The following DHRSX variants were observed in gnomAD, a reference collection of about 807,000 sequenced individuals.
DHRSX encodes polyprenol dehydrogenase.
In DHRSX, 31 loss-of-function variants were observed where a neutral mutation model predicts 34.0. The observed-to-expected ratio is 0.91, with a 90% CI of 0.69 to 1.23. The LOEUF is 1.23. Among genes scored for constraint, DHRSX ranks in the 50% most tolerant of loss-of-function variants. DHRSX has a pLI of 0.00. For missense variants in DHRSX, 414 were observed against 428.1 expected (o/e 0.97, Z 0.29); for synonymous variants, 201 against 183.8 (o/e 1.09, Z -0.76).
At chrX:2,347,675 G>C (rs1264105228) in intron 3 of DHRSX, among the ~76,000 whole-genome samples, 4 of 152,180 alleles carry the variant, frequency 2.6e-5, no homozygotes, top group Non-Finnish European at 5.9e-5. Context: ...GCCTGAGTGA[G>C]CGAGACTCTG....
intron 6 of DHRSX, among the ~76,000 whole-genome samples, chrX:2,232,201 T>TA (rs1035986355): frequency 2.6e-5 from 4 of 151,372 alleles, no homozygotes; most frequent in Non-Finnish European, 4.4e-5. Context: ...CAGCTTTTCC[T>TA]AAAAAAAAAC....
At chrX:2,356,588 C>A (rs923415415) in intron 3 of DHRSX, among the ~76,000 whole-genome samples, 1 of 152,160 alleles carries the variant, frequency 6.6e-6, no homozygotes, top group Non-Finnish European at 1.5e-5. Context: ...ATAGTTGATC[C>A]TTCACAGGTT....
chrX:2,403,771 G>A (rs919145375), intron 3 of DHRSX, among the ~76,000 whole-genome samples: 4 of 151,156 alleles, frequency 2.6e-5, no homozygotes, highest in Non-Finnish European at 4.4e-5. Context: ...CAGGAGAATC[G>A]CTTGAACCCG....
chrX:2,357,018 T>C (rs2042862782), intron 3 of DHRSX, among the ~76,000 whole-genome samples: 1 of 151,950 alleles, frequency 6.6e-6, no homozygotes, highest in African/African-American at 2.4e-5. Context: ...CCAAAGTGGG[T>C]GGATCACCTG....
intron 3 of DHRSX, among the ~76,000 whole-genome samples, chrX:2,349,329 C>T (rs1464792823): frequency 1.4e-5 from 2 of 146,126 alleles, no homozygotes; most frequent in Non-Finnish European, 3.0e-5. Context: ...ACTGACACTC[C>T]GTCTCAAACA....
Position 2,337,235 on chromosome X carries a change from C to T in DHRSX, c.287-45632G>A, listed in dbSNP as rs769302387. On this transcript the variant is annotated intron_variant, in intron 3 of 6. Coordinates refer to ENST00000334651, the MANE Select transcript of DHRSX (RefSeq NM_145177.3). ...AATAGGGTCTTGGTAGATGCATTCT[C>T]GTTAAGGATATCAGGACAGGATCAT... Among the ~76,000 whole-genome samples, 5 of 152,214 alleles carry T rather than the reference C, an allele frequency of 3.3e-5. No individual in the cohort carries two copies. In the South Asian group the frequency reaches 8.3e-4, roughly 25 times the overall value.
intron 4 of DHRSX, among the ~76,000 whole-genome samples, chrX:2,288,629 C>A (rs1413311510): frequency 6.6e-6 from 1 of 152,192 alleles, no homozygotes; most frequent in Non-Finnish European, 1.5e-5. Flanking sequence ...CCAGTGTCAG[C>A]CATAGACTCA....
intron 4 of DHRSX, among the ~76,000 whole-genome samples, chrX:2,274,264 C>T (rs2041595312): frequency 6.6e-6 from 1 of 151,996 alleles, no homozygotes; most frequent in African/African-American, 2.4e-5. Context: ...TCTTGAACTC[C>T]TAATCTCAAC....
chrX:2,413,536 C>A (rs2043657095), intron 2 of DHRSX, among the ~76,000 whole-genome samples: 1 of 152,104 alleles, frequency 6.6e-6, no homozygotes, highest in Non-Finnish European at 1.5e-5. Flanking sequence ...ACATTTTGTA[C>A]ACCATAAAAA....
intron 2 of DHRSX, among the ~76,000 whole-genome samples, chrX:2,419,370 G>A (rs2043742390): frequency 2.0e-5 from 3 of 152,114 alleles, no homozygotes; most frequent in Admixed American, 6.5e-5. Context: ...AGAACTGTAG[G>A]ACAATAAGTT....
intron 4 of DHRSX, among the ~76,000 whole-genome samples, chrX:2,287,429 C>T (rs1489147296): frequency 6.6e-6 from 1 of 151,420 alleles, no homozygotes; most frequent in Non-Finnish European, 1.5e-5. Context: ...ATGTGGAAGA[C>T]AAAATAATGG....
At chrX:2,483,481 C>T (rs1048547319) in intron 1 of DHRSX, among the ~76,000 whole-genome samples, 5 of 152,024 alleles carry the variant, frequency 3.3e-5, no homozygotes, top group Non-Finnish European at 1.5e-5. Flanking sequence ...GTTGCCCAGG[C>T]TGGTCTCAAA....
intron 3 of DHRSX, among the ~76,000 whole-genome samples, chrX:2,407,194 C>T (rs1222542069): frequency 1.3e-5 from 2 of 152,294 alleles, no homozygotes; most frequent in East Asian, 1.9e-4. Context: ...CTTCTTAGGT[C>T]GAGTCCAATT....
intron 3 of DHRSX, among the ~76,000 whole-genome samples, chrX:2,345,655 CAA>C (rs71309483): frequency 0.034 from 4,046 of 118,478 alleles, 158 homozygotes; most frequent in African/African-American, 0.11. Flanking sequence ...AACTCTGTCT[CAA>C]AAAAAAAAAA....
chrX:2,330,902 G>C (rs926370612), intron 3 of DHRSX, among the ~76,000 whole-genome samples: 6 of 152,134 alleles, frequency 3.9e-5, no homozygotes, highest in African/African-American at 7.2e-5. Context: ...CCTGGTCCAG[G>C]CCACTCTAAA....
intron 3 of DHRSX, among the ~76,000 whole-genome samples, chrX:2,324,194 G>C (rs187498690): frequency 6.6e-6 from 1 of 152,100 alleles, no homozygotes; most frequent in Admixed American, 6.6e-5. Flanking sequence ...AGGGTAAGAA[G>C]GACCCATTTC....
intron 3 of DHRSX, among the ~76,000 whole-genome samples, chrX:2,375,348 G>A (rs2043127996): frequency 7.2e-6 from 1 of 137,954 alleles, no homozygotes; most frequent in Admixed American, 7.2e-5. Flanking sequence ...TGTGAAATGC[G>A]GTTCGTTCTT....
intron 1 of DHRSX, among the ~76,000 whole-genome samples, chrX:2,498,174 G>T (rs927034021): frequency 6.6e-6 from 1 of 152,176 alleles, no homozygotes; most frequent in African/African-American, 2.4e-5. Context: ...TCATGTGGAA[G>T]GTGTAACCCA....
chrX:2,353,894 AG>A (rs1907719959), intron 3 of DHRSX, among the ~76,000 whole-genome samples: 1 of 152,076 alleles, frequency 6.6e-6, no homozygotes, highest in African/African-American at 2.4e-5. Context: ...TTTAAGGGCC[AG>A]CAAATTATAT....
Sources: gnomAD v4.1 joint callset for allele counts (sites outside exome capture counted in the v4.1 genomes callset) on GRCh38, gnomAD v4.1.1 for gene constraint, MANE v1.5 for transcripts, NCBI Gene and HGNC (gene_info 2026-07-23, HGNC 2026-07-21) for gene names.